Variants in DSCAM observed in about 807,000 individuals in gnomAD.
The protein encoded by DSCAM is DS cell adhesion molecule.
In DSCAM, 47 loss-of-function variants were observed where a neutral mutation model predicts 217.7. The observed-to-expected ratio is 0.22, with a 90% CI of 0.17 to 0.28. The LOEUF (loss-of-function observed/expected upper bound fraction) is 0.28, where lower values mean the gene tolerates loss of function less well. Ranked by LOEUF, DSCAM falls within the 10% of genes least tolerant of loss-of-function variation. The pLI is 1.00. For synonymous variants in DSCAM, 1,056 were observed against 1,015.3 expected (o/e 1.04, Z -0.76); for missense variants, 2,080 against 2,618.3 (o/e 0.79, Z 4.49).
chr21:40,194,229 G>A (rs1283562107), intron 11 of DSCAM, among the ~76,000 whole-genome samples: 1 of 152,154 alleles, frequency 6.6e-6, no homozygotes, highest in African/African-American at 2.4e-5. Context: ...AGCACTTAGA[G>A]AGAAATGCTC....
intron 3 of DSCAM, among the ~76,000 whole-genome samples, chr21:40,607,262 T>C (rs1486370702): frequency 2.0e-5 from 3 of 152,176 alleles, no homozygotes; most frequent in African/African-American, 7.2e-5. Flanking sequence ...ATCACAATTA[T>C]GCCTGTGCTG....
intron 16 of DSCAM, among the ~76,000 whole-genome samples, chr21:40,156,717 G>C (rs754622248): frequency 6.6e-6 from 1 of 152,200 alleles, no homozygotes; most frequent in South Asian, 2.1e-4. Context: ...GATCACAATG[G>C]TGGTAGTGAT....
At chr21:40,732,917 T>G (rs2091027256) in intron 1 of DSCAM, among the ~76,000 whole-genome samples, 1 of 152,198 alleles carries the variant, frequency 6.6e-6, no homozygotes, top group Non-Finnish European at 1.5e-5. Flanking sequence ...CTGGGTAAGA[T>G]CCATGTGATT....
chr21:40,045,892 T>C (rs1246662345), intron 30 of DSCAM, among the ~76,000 whole-genome samples: 2 of 152,186 alleles, frequency 1.3e-5, no homozygotes, highest in Non-Finnish European at 2.9e-5. Context: ...TATCCCTCTG[T>C]GGATCCATTC....
chr21:40,708,597 C>T lies in DSCAM; in HGVS notation c.218G>A (p.Arg73His). ...GEEIYDVPGI[R>H]HVHPNGTLQI... Reference sequence around the variant, plus strand: ...GAGAGTGCCGTTGGGGTGGACGTGGCGGATCCCGGGGACATCGTAGATCTC... The same window carrying T: ...GAGAGTGCCGTTGGGGTGGACGTGGTGGATCCCGGGGACATCGTAGATCTC... Residue 73 changes from arginine to histidine, a missense_variant, in exon 2 of 33, where the codon CGC becomes CAC. This residue lies in a region of DSCAM where 568 missense variants were observed against 678.1 expected (regional missense o/e 0.84). Transcript: ENST00000400454. 6.2e-7 allele frequency: 1 copy of T among 1,609,938 alleles called. No homozygotes were observed. Among genetic ancestry groups the T allele is most frequent in the South Asian group, 1.1e-5 (1 of 89,866 alleles).
chr21:40,518,747 T>C (rs1485082121), intron 3 of DSCAM, among the ~76,000 whole-genome samples: 1 of 149,236 alleles, frequency 6.7e-6, no homozygotes, highest in Non-Finnish European at 1.5e-5. Flanking sequence ...TTCATTGAGT[T>C]ATAGGAAGAA....
At chr21:40,061,677 G>A (rs140928741) in intron 28 of DSCAM, among the ~76,000 whole-genome samples, 10 of 152,258 alleles carry the variant, frequency 6.6e-5, no homozygotes, top group African/African-American at 2.4e-4. Flanking sequence ...ATGTCTGTAG[G>A]ATGGAATCTG....
Position 40,347,868 on chromosome 21 carries a change from T to C in DSCAM, c.1012A>G (p.Thr338Ala), listed in dbSNP as rs749541248. 5.6e-6 allele frequency: 9 copies of C among 1,613,972 alleles called. No homozygotes were observed. In the African/African-American group the frequency reaches 1.1e-4, roughly 19 times the overall value. Residue 338 changes from threonine to alanine, a missense_variant, in exon 6 of 33, where the codon ACA becomes GCA. Transcript: ENST00000400454. ...GAGAGTTCCTGGTCCTCAGTTCCTG[T>C]CACGCTGCAGGACAAGGAAACTTGG... ...GSQVSLSCSVTGTEDQELSWY... is the reference protein window; with the variant it reads ...GSQVSLSCSVAGTEDQELSWY...
At chr21:40,130,340 G>A (rs9978453) in intron 19 of DSCAM, among the ~76,000 whole-genome samples, 28,415 of 152,178 alleles carry the variant, frequency 0.19, 3,309 homozygotes, top group East Asian at 0.26. Context: ...TCACCAAGTC[G>A]TCCTTCGTGT....
chr21:40,278,750 G>A (rs184798817), intron 10 of DSCAM, among the ~76,000 whole-genome samples: 1 of 151,990 alleles, frequency 6.6e-6, no homozygotes, highest in African/African-American at 2.4e-5. Context: ...AGGAGGAGGA[G>A]GAAGAGGAGG....
chr21:40,203,077 G>C (rs781778014), intron 11 of DSCAM, among the ~76,000 whole-genome samples: 4 of 152,198 alleles, frequency 2.6e-5, no homozygotes, highest in Non-Finnish European at 4.4e-5. Flanking sequence ...TTGAGGCACA[G>C]AGAGGCTAAA....
At position 40,502,160 on chromosome 21, in the gene DSCAM, G is replaced by T. The variant is rs1046898865; in HGVS notation, c.509-132915C>A. Among the ~76,000 whole-genome samples the T allele has an allele frequency of 3.3e-5, 5 of 152,172 alleles. No homozygotes were observed. In the East Asian group the frequency reaches 9.7e-4, roughly 30 times the overall value. On this transcript the variant is annotated intron_variant, in intron 3 of 32. Coordinates refer to ENST00000400454, the MANE Select transcript of DSCAM (RefSeq NM_001389.5). ...TTAATATAGGCAACAAACCACAGTA[G>T]TATTAGTACTGTGACTTCATCATCA...
At chr21:40,386,938 T>C (rs949910704) in intron 3 of DSCAM, among the ~76,000 whole-genome samples, 2 of 152,230 alleles carry the variant, frequency 1.3e-5, no homozygotes, top group Non-Finnish European at 2.9e-5. Context: ...TCATGAAATG[T>C]ATGTCAGATT....
intron 11 of DSCAM, among the ~76,000 whole-genome samples, chr21:40,233,078 T>C (rs756936053): frequency 6.6e-6 from 1 of 152,156 alleles, no homozygotes; most frequent in African/African-American, 2.4e-5. Flanking sequence ...TATTGGGTAT[T>C]ATGCTTATTA....
chr21:40,523,221 C>A (rs954107021), intron 3 of DSCAM, among the ~76,000 whole-genome samples: 4 of 152,166 alleles, frequency 2.6e-5, no homozygotes, highest in African/African-American at 9.7e-5. Context: ...GCTCTACTCC[C>A]AGGCCTGTGC....
intron 26 of DSCAM, 123 bp downstream of exon 26, chr21:40,078,564 C>T: frequency 1.5e-6 from 2 of 1,313,418 alleles, no homozygotes; most frequent in Non-Finnish European, 2.1e-6. Flanking sequence ...TCCCGAAAGC[C>T]TAATGGGCTC....
intron 3 of DSCAM, among the ~76,000 whole-genome samples, chr21:40,518,829 A>C (rs1177745864): frequency 6.6e-6 from 1 of 151,642 alleles, no homozygotes; most frequent in Admixed American, 6.6e-5. Flanking sequence ...GTCATTAGGC[A>C]ATTTCATTAT....
chr21:40,318,185 T>A (rs548835002), intron 8 of DSCAM, among the ~76,000 whole-genome samples: 1 of 57,670 alleles, frequency 1.7e-5, no homozygotes, highest in South Asian at 7.6e-4. Flanking sequence ...GGTACTGTTG[T>A]GGGGTGGGGG....
intron 11 of DSCAM, among the ~76,000 whole-genome samples, chr21:40,221,733 C>T (rs917050904): frequency 6.6e-6 from 1 of 152,146 alleles, no homozygotes; most frequent in Admixed American, 6.6e-5. Context: ...TTCTCACGGC[C>T]GTTGTGGTCT....
Sources: allele counts gnomAD v4.1 joint callset (sites outside exome capture counted in the v4.1 genomes callset), GRCh38; gene constraint gnomAD v4.1.1; regional missense constraint gnomAD v4.1.1; transcripts MANE v1.5; gene names NCBI Gene and HGNC (gene_info 2026-07-23, HGNC 2026-07-21).